The following DNAH1 variants were observed in gnomAD, a reference collection of about 807,000 sequenced individuals.
DNAH1 encodes the protein axonemal beta dynein heavy chain 1.
In DNAH1, 327 loss-of-function variants were observed where a neutral mutation model predicts 484.3. That is an observed-to-expected ratio of 0.68 (90% CI 0.62 to 0.74). The LOEUF is 0.74. DNAH1 is among the 30% of genes least tolerant of loss of function. The pLI, the probability that DNAH1 is intolerant of heterozygous loss-of-function variation, is 0.00. For synonymous variants in DNAH1, 2,192 were observed against 2,191.9 expected (o/e 1.00, Z 0.00); for missense variants, 5,052 against 5,546.8 (o/e 0.91, Z 2.83).
intron 11 of DNAH1, among the ~76,000 whole-genome samples, chr3:52,347,458 G>T (rs143947696): frequency 0.012 from 1,759 of 152,308 alleles, 21 homozygotes; most frequent in Middle Eastern, 0.031. Flanking sequence ...AGCCATCAGA[G>T]GGTTCCAGCT....
At chr3:52,312,851 A>G (rs950267217), upstream of DNAH1, among the ~76,000 whole-genome samples, 1 of 151,902 alleles carries the variant, frequency 6.6e-6, no homozygotes, top group African/African-American at 2.4e-5. Flanking sequence ...ACGGGGTTTT[A>G]CTGTGTTAGC....
rs1702683174 is a variant in DNAH1 at position 52,357,878 on chromosome 3, C to T, written c.3981-20C>T. 2.5e-6 allele frequency: 4 copies of T among 1,608,242 alleles called. No homozygotes were observed. The South Asian group carries it at 3.3e-5, about 13-fold the overall frequency. On this transcript the variant is annotated intron_variant, in intron 23 of 77. Coordinates refer to ENST00000420323, the MANE Select transcript of DNAH1 (RefSeq NM_015512.5). ...AGGGAGCCTGCACGACCCGCTTCCTCACCCCTGTTCCCCTGGCAGATTCTA... is the reference window on the plus strand; with the variant it reads ...AGGGAGCCTGCACGACCCGCTTCCTTACCCCTGTTCCCCTGGCAGATTCTA...
chr3:52,381,696 G>A lies in DNAH1; in HGVS notation c.7665G>A (p.Lys2555=), dbSNP rs769415053. The A allele has an allele frequency of 2.4e-5, 38 of 1,607,794 alleles. No homozygotes were observed. In the East Asian group the frequency reaches 8.5e-4, roughly 36 times the overall value. The change falls in exon 49 of 78, where the codon AAG becomes AAA. Residue 2555 remains lysine (K), a synonymous_variant. Transcript: ENST00000420323. The surrounding 1 kb of genome is among the most constrained non-coding windows in gnomAD (Gnocchi z 4.1). The part of the protein sequence containing the change: ...IEDYNQINTA[K]LKLVLFMDAM... The stretch of plus-strand genomic sequence containing the variant: ...ACTACAACCAGATCAACACGGCCAA[G>A]CTGAAGCTGGTCCTCTTCATGGACG...
chr3:52,373,223 C>G (rs905558618), intron 44 of DNAH1, among the ~76,000 whole-genome samples, 170 bp downstream of exon 44: 1 of 151,948 alleles, frequency 6.6e-6, no homozygotes, highest in Non-Finnish European at 1.5e-5. Flanking sequence ...GGCGGAGAGA[C>G]GCCGCCGCCA....
chr3:52,394,705 G>T (rs748118038), intron 67 of DNAH1, 44 bp downstream of exon 67: 7 of 1,537,436 alleles, frequency 4.6e-6, no homozygotes, highest in Non-Finnish European at 6.1e-6. Flanking sequence ...CCATCGAGGG[G>T]ATGAGTCCCT....
intron 6 of DNAH1, among the ~76,000 whole-genome samples, chr3:52,329,002 T>A (rs189860588): frequency 1.6e-4 from 25 of 152,362 alleles, no homozygotes; most frequent in African/African-American, 5.8e-4. Context: ...TGTTTCATTT[T>A]AAAAACATCT....
At chr3:52,389,616 G>A (rs1311750677) in intron 60 of DNAH1, 30 bp downstream of exon 60, 26 of 1,407,182 alleles carry the variant, frequency 1.8e-5, no homozygotes, top group Non-Finnish European at 2.3e-5. Flanking sequence ...GAGTGCCCAG[G>A]CAGGGCCTGT....
rs1009601595 is a variant in DNAH1 at position 52,355,344 on chromosome 3, C to T, written c.3693+289C>T. On this transcript the variant is annotated intron_variant, in intron 21 of 77. Coordinates refer to ENST00000420323, the MANE Select transcript of DNAH1 (RefSeq NM_015512.5). The surrounding 1 kb of genome is among the most constrained non-coding windows in gnomAD (Gnocchi z 4.5). The stretch of plus-strand genomic sequence containing the variant: ...GAGGATAGGCCTGAGAACTGCCAGG[C>T]GGCCTCCCCAGGGCTGCCTGAGCTT... 6.6e-5 allele frequency among the ~76,000 whole-genome samples: 10 copies of T among 152,242 alleles called. No individual in the cohort carries two copies. Among genetic ancestry groups the T allele is most frequent in the African/African-American group, 9.6e-5 (4 of 41,466 alleles).
In DNAH1 at chr3:52,395,464, C is replaced by T; in HGVS notation, c.11125C>T (p.Gln3709Ter). The change falls in exon 69 of 78, where the codon CAG becomes TAG. Residue 3709 changes from glutamine (Q) to a stop codon, truncating the protein, a stop_gained and splice_region_variant. Coordinates refer to ENST00000420323, the MANE Select transcript of DNAH1 (RefSeq NM_015512.5). LOFTEE classifies it high-confidence loss of function. The surrounding 1 kb of genome is among the most constrained non-coding windows in gnomAD (Gnocchi z 4.4). ...KLSAISLGQG[Q>*]GPRAEAMMRS... ...CTCTGCCATCTCCCTGGGCCAGGGG[C>T]AGGTCAGGGCTAGGCAGGGAGGAAG... The T allele has an allele frequency of 6.2e-7, 1 of 1,613,900 alleles. No homozygotes were observed. Among genetic ancestry groups the T allele is most frequent in the Non-Finnish European group, 8.5e-7 (1 of 1,179,884 alleles).
Position 52,349,986 on chromosome 3 carries a change from C to T in DNAH1, c.2527-3C>T. On this transcript the variant is annotated splice_region_variant and splice_polypyrimidine_tract_variant and intron_variant, in intron 14 of 77. Transcript: ENST00000420323. ...CCTCCCCAGCGCCTCCTCCCACTGC[C>T]AGATCTGCGAGGAGTTCCGCAGCAT... 1 of 1,606,250 alleles carries T rather than the reference C, an allele frequency of 6.2e-7. No homozygotes were observed. The highest frequency in any genetic ancestry group is 8.5e-7 in the Non-Finnish European group (1 of 1,176,766).
chr3:52,362,540 C>T lies in DNAH1; in HGVS notation c.5094+39C>T. The T allele has an allele frequency of 6.4e-7, 1 of 1,566,368 alleles. No individual in the cohort carries two copies. Among genetic ancestry groups the T allele is most frequent in the Non-Finnish European group, 8.7e-7 (1 of 1,145,678 alleles). On this transcript the variant is annotated intron_variant, in intron 31 of 77. Coordinates refer to ENST00000420323, the MANE Select transcript of DNAH1 (RefSeq NM_015512.5). The surrounding 1 kb of genome is among the most constrained non-coding windows in gnomAD (Gnocchi z 5.1). ...CAGAGTGGCCCAGGAAGCACCAGAG[C>T]TCTAGCCTGAGTTCAGAGATGCTAA...
intron 16 of DNAH1, 97 bp from the exon 17 acceptor site, chr3:52,351,865 G>GCTGCCTGGGTGCCTGGTGGGATGCCC: frequency 7.0e-7 from 1 of 1,433,878 alleles, no homozygotes; most frequent in Non-Finnish European, 9.5e-7. Context: ...CTTCTCACTG[G>GCTGCCTGGGTGCCTGGTGGGATGCCC]CTGCCTGGGT....
At chr3:52,345,370 C>T (rs1276894419) in intron 9 of DNAH1, 125 bp from the exon 10 acceptor site, 12 of 789,906 alleles carry the variant, frequency 1.5e-5, no homozygotes, top group Admixed American at 5.4e-5. Flanking sequence ...GCTCTGGGAA[C>T]GCCAGTCACT....
intron 37 of DNAH1, 103 bp from the exon 38 acceptor site, chr3:52,369,722 G>A (rs1489599942): frequency 2.7e-5 from 34 of 1,276,032 alleles, no homozygotes; most frequent in Middle Eastern, 2.7e-4. Flanking sequence ...TGCCCACACC[G>A]CCCACTTACA....
chr3:52,348,114 C>A, intron 12 of DNAH1, 140 bp downstream of exon 12: 1 of 835,902 alleles, frequency 1.2e-6, no homozygotes, highest in Non-Finnish European at 1.8e-6. Context: ...CTGTAAATCT[C>A]AAATATCCCA....
intron 43 of DNAH1, 22 bp from the exon 44 acceptor site, chr3:52,372,874 C>T: frequency 3.7e-6 from 6 of 1,602,392 alleles, no homozygotes; most frequent in Admixed American, 1.7e-5. Flanking sequence ...GGGTGCTGGG[C>T]TCACACAGCC....
chr3:52,399,639 A>G lies in DNAH1; in HGVS notation c.12536A>G (p.Glu4179Gly). The change falls in exon 77 of 78, where the codon GAG becomes GGG. Residue 4179 changes from glutamate (E) to glycine (G), a missense_variant. By Grantham distance (98) the Glu-to-Gly change is moderately conservative. Coordinates refer to ENST00000420323, the MANE Select transcript of DNAH1 (RefSeq NM_015512.5). ...LFLEGARWDPEAFQLAESQPK... is the reference protein window; with the variant it reads ...LFLEGARWDPGAFQLAESQPK... ...CTGGAAGGTGCCCGCTGGGATCCAG[A>G]GGCCTTCCAGCTGGCTGAGTCTCAG... is the stretch of plus-strand genomic sequence containing the variant. 6.2e-7 allele frequency: 1 copy of G among 1,614,008 alleles called. No homozygotes were observed. The highest frequency in any genetic ancestry group is 8.5e-7 in the Non-Finnish European group (1 of 1,179,882).
chr3:52,389,675 C>A (rs1704284741), intron 60 of DNAH1, 89 bp downstream of exon 60: 1 of 1,249,464 alleles, frequency 8.0e-7, no homozygotes, highest in Middle Eastern at 3.1e-4. Flanking sequence ...TCCTACCCTG[C>A]TTTCCAGGGC....
chr3:52,358,830 C>A lies in DNAH1; in HGVS notation c.4266+93C>A. 2 of 1,492,234 alleles carry A rather than the reference C, an allele frequency of 1.3e-6. No homozygotes were observed. Among genetic ancestry groups the A allele is most frequent in the Non-Finnish European group, 1.8e-6 (2 of 1,099,736 alleles). The allele number at this position is 1,492,234 out of a possible 1,614,324, so 92.4% of individuals were successfully genotyped here. A position where few individuals can be genotyped will look rare whatever the true frequency, so the allele number is the denominator to read the frequency against. On this transcript the variant is annotated intron_variant, in intron 25 of 77. Coordinates refer to ENST00000420323, the MANE Select transcript of DNAH1 (RefSeq NM_015512.5). The surrounding 1 kb of genome is among the most constrained non-coding windows in gnomAD (Gnocchi z 4.2). ...TGCTCTAGCCGGCCTCGTCCTCAGGCTGCAGCCCTGAGGTCCCTGGGGGCT... is the reference window on the plus strand; with the variant it reads ...TGCTCTAGCCGGCCTCGTCCTCAGGATGCAGCCCTGAGGTCCCTGGGGGCT...
Sources: allele counts gnomAD v4.1 joint callset (sites outside exome capture counted in the v4.1 genomes callset), GRCh38; gene constraint gnomAD v4.1.1; non-coding constraint Gnocchi (gnomAD v3.1); transcripts MANE v1.5; gene names NCBI Gene and HGNC (gene_info 2026-07-23, HGNC 2026-07-21).